Variants in IFT172 observed in about 807,000 individuals in gnomAD.
IFT172 encodes intraflagellar transport protein 172 homolog.
In IFT172, 164 loss-of-function variants were observed where a neutral mutation model predicts 248.9. The ratio of observed to expected loss-of-function variants is 0.66; its 90% CI spans 0.58 to 0.75. The LOEUF is 0.75. Among genes scored for constraint, IFT172 ranks in the 30% least tolerant of loss-of-function variants. The pLI is 0.00. For missense variants in IFT172, 1,950 were observed against 2,192.4 expected, an observed-to-expected ratio of 0.89 and a Z score of 2.21; for synonymous variants, 729 against 791.6, an observed-to-expected ratio of 0.92 and a Z score of 1.33.
At chr2:27,476,124 C>T (rs955062513) in intron 14 of IFT172, among the ~76,000 whole-genome samples, 3 of 151,950 alleles carry the variant, frequency 2.0e-5, no homozygotes, top group Non-Finnish European at 4.4e-5. Flanking sequence ...AAAATAAGAC[C>T]TCTTCCAGTT....
At chr2:27,459,887 A>C in intron 23 of IFT172, 58 bp from the exon 24 acceptor site, 1 of 1,596,258 alleles carries the variant, frequency 6.3e-7, no homozygotes, top group East Asian at 2.2e-5. Flanking sequence ...CTCAGGAAAA[A>C]GGTAGGACAG....
At chr2:27,489,473 C>G (rs999630317) in intron 1 of IFT172, 142 bp downstream of exon 1, 1 of 626,524 alleles carries the variant, frequency 1.6e-6, no homozygotes, top group African/African-American at 1.9e-5. Context: ...GACGCTGTAT[C>G]GACAGGCCAA....
At chr2:27,473,178 C>T (rs1667699930) in intron 14 of IFT172, among the ~76,000 whole-genome samples, 1 of 151,324 alleles carries the variant, frequency 6.6e-6, no homozygotes, top group African/African-American at 2.4e-5. Context: ...ACCAGCCTGG[C>T]CAACATGGTG....
intron 11 of IFT172, 129 bp downstream of exon 11, chr2:27,477,866 G>A: frequency 8.2e-7 from 1 of 1,212,472 alleles, no homozygotes; most frequent in Admixed American, 2.1e-5. Context: ...CTCCTTCCCT[G>A]AAACCAGGTC....
intron 15 of IFT172, chr2:27,471,769 C>T (rs912705471): frequency 5.3e-6 from 1 of 188,366 alleles, no homozygotes; most frequent in Non-Finnish European, 1.1e-5. Flanking sequence ...TGGCTCAACA[C>T]CTGTAATCCC....
In IFT172 at chr2:27,457,958, T is replaced by G. The variant is rs753483115; in HGVS notation, c.2994A>C (p.Gln998His). Residue 998 changes from glutamine (Q) to histidine (H), a missense_variant, in exon 28 of 48, where the codon CAA (glutamine) becomes CAC (histidine). This residue lies in a region of IFT172 where 1,166 missense variants were observed against 1,254.1 expected (regional missense o/e 0.93). Coordinates refer to ENST00000260570, the MANE Select transcript of IFT172 (RefSeq NM_015662.3). ...ACATGGTGATGGCAAGATCAGGCTCTTGTACTGTCACATATAGCCTGGGGA... is the reference window on the plus strand; with the variant it reads ...ACATGGTGATGGCAAGATCAGGCTCGTGTACTGTCACATATAGCCTGGGGA... Reference protein sequence around the residue: ...REAERLYVTVQEPDLAITMYK... With the variant: ...REAERLYVTVHEPDLAITMYK... 31 of 1,614,206 alleles carry G rather than the reference T, an allele frequency of 1.9e-5. No individual in the cohort carries two copies. Among genetic ancestry groups the G allele is most frequent in the Non-Finnish European group, 2.6e-5 (31 of 1,180,032 alleles).
chr2:27,453,613 G>C lies in IFT172; in HGVS notation c.3821+17C>G. ...CTCCCAGCCCTGCCAATGCTGCCTG[G>C]ACCTCTGGCCTCATACCTGGCCCCC... is the stretch of plus-strand genomic sequence containing the variant. On this transcript the variant is annotated intron_variant, in intron 34 of 47. Transcript: ENST00000260570. 1.9e-6 allele frequency: 3 copies of C among 1,608,080 alleles called. No homozygotes were observed. Among genetic ancestry groups the C allele is most frequent in the Non-Finnish European group, 2.6e-6 (3 of 1,175,648 alleles).
Position 27,454,677 on chromosome 2 carries a change from A to C in IFT172, c.3372-17T>G. ...TCAAAGGAGCTGAAACAGAAAGTGC[A>C]GATAAAGTTTTCTTGCTTCATGCTT... On this transcript the variant is annotated splice_polypyrimidine_tract_variant and intron_variant, in intron 30 of 47. Transcript: ENST00000260570. The surrounding 1 kb of genome is among the most constrained non-coding windows in gnomAD (Gnocchi z 4.2). The C allele has an allele frequency of 6.2e-7, 1 of 1,612,060 alleles. No homozygotes were observed. The highest frequency in any genetic ancestry group is 2.2e-5 in the East Asian group (1 of 44,884).
rs1254317654 is a variant in IFT172, at chr2:27,454,866, T to C, written c.3372-206A>G. On this transcript the variant is annotated intron_variant, in intron 30 of 47. Coordinates refer to ENST00000260570, the MANE Select transcript of IFT172 (RefSeq NM_015662.3). This position sits in a 1 kb window ranked among gnomAD's most constrained non-coding sequence, Gnocchi z 4.2. Reference sequence around the variant, plus strand: ...AAGACCATGTCACTGTCAGCGTGGATCAAGAGACGTCTGGAAAAGCCTATG... The same window carrying C: ...AAGACCATGTCACTGTCAGCGTGGACCAAGAGACGTCTGGAAAAGCCTATG... 6.6e-6 allele frequency among the ~76,000 whole-genome samples: 1 copy of C among 152,170 alleles called. No individual in the cohort carries two copies. The highest frequency in any genetic ancestry group is 1.5e-5 in the Non-Finnish European group (1 of 68,018).
At chr2:27,471,247 G>C (rs971716377) in intron 15 of IFT172, 152 bp from the exon 16 acceptor site, 1 of 661,398 alleles carries the variant, frequency 1.5e-6, no homozygotes, top group African/African-American at 1.8e-5. Flanking sequence ...TTTCTGCTGA[G>C]CTGGTATATC....
chr2:27,448,952 G>A lies in IFT172; in HGVS notation c.4391C>T (p.Ala1464Val). 1 of 1,607,186 alleles carries A rather than the reference G, an allele frequency of 6.2e-7. No individual in the cohort carries two copies. The highest frequency in any genetic ancestry group is 8.5e-7 in the Non-Finnish European group (1 of 1,173,616). Residue 1464 changes from alanine (A) to valine (V), a missense_variant, in exon 40 of 48, where the codon GCC (alanine) becomes GTC (valine). Coordinates refer to ENST00000260570, the MANE Select transcript of IFT172 (RefSeq NM_015662.3). ...AGGGGCTCCGTGCTGTACATACAGG[G>A]CCAATGCCTGGGCAGAGCTACCCTC... The part of the protein sequence containing the change: ...IREGSSAQAL[A>V]LYVQHGAPAN...
chr2:27,447,311 G>A (rs1175534265), intron 42 of IFT172, among the ~76,000 whole-genome samples: 1 of 152,246 alleles, frequency 6.6e-6, no homozygotes, highest in Admixed American at 6.5e-5. Flanking sequence ...GGCTGAGGCT[G>A]TGTGGGCACA....
intron 16 of IFT172, 78 bp from the exon 17 acceptor site, chr2:27,465,960 C>A: frequency 6.5e-7 from 1 of 1,540,220 alleles, no homozygotes; most frequent in South Asian, 1.1e-5. Flanking sequence ...GACCCACCCT[C>A]ATCCGACCCA....
At chr2:27,461,596 AT>A in intron 21 of IFT172, 79 bp from the exon 22 acceptor site, 1 of 1,548,258 alleles carries the variant, frequency 6.5e-7, no homozygotes, top group East Asian at 2.3e-5. Flanking sequence ...CAATCCCTCT[AT>A]AACAAGGGGA....
intron 23 of IFT172, among the ~76,000 whole-genome samples, chr2:27,460,747 T>C (rs990632637): frequency 8.1e-6 from 1 of 123,814 alleles, no homozygotes; most frequent in Non-Finnish European, 1.7e-5. Context: ...CATCCCCCTC[T>C]TTGAGAAACA....
rs1195456322 is a variant in IFT172, at chr2:27,461,111, A to G, written c.2443-18T>C. On this transcript the variant is annotated intron_variant, in intron 22 of 47. Transcript: ENST00000260570. ...TCACCTGCCTGTTAACACATACCAC[A>G]TTACTATGATACCCCTACAACACAA... The G allele has an allele frequency of 6.2e-7, 1 of 1,614,152 alleles. No individual in the cohort carries two copies.
Position 27,454,994 on chromosome 2 carries a change from C to A in IFT172, c.3372-334G>T, listed in dbSNP as rs1402489918. 6.6e-6 allele frequency among the ~76,000 whole-genome samples: 1 copy of A among 152,204 alleles called. No homozygotes were observed. Among genetic ancestry groups the A allele is most frequent in the Non-Finnish European group, 1.5e-5 (1 of 68,040 alleles). On this transcript the variant is annotated intron_variant, in intron 30 of 47. Coordinates refer to ENST00000260570, the MANE Select transcript of IFT172 (RefSeq NM_015662.3). This position sits in a 1 kb window ranked among gnomAD's most constrained non-coding sequence, Gnocchi z 4.2. ...TACACTGACAGGGCTAGGAGGGCTC[C>A]TGGTGCTCTCCATCTCTTCCTGAGC...
chr2:27,446,619 T>G, intron 42 of IFT172: 1 of 330,036 alleles, frequency 3.0e-6, no homozygotes, highest in Middle Eastern at 9.2e-4. Context: ...ATTCAAGTAA[T>G]TCTCGTGCCT....
In IFT172 at chr2:27,465,458, G is replaced by C. The variant is rs759780806; in HGVS notation, c.1890C>G (p.Thr630=). The stretch of plus-strand genomic sequence containing the variant: ...TTGCCTCTAGTGCCAGTTTACTCAA[G>C]GTTTTCCACATTGCCTCTGTTTCTG... ...MTPETEAMWK[T]LSKLALEARQ... The change falls in exon 18 of 48, where the codon ACC becomes ACG. Residue 630 remains threonine (T), a synonymous_variant. Coordinates refer to ENST00000260570, the MANE Select transcript of IFT172 (RefSeq NM_015662.3). 9.3e-6 allele frequency: 15 copies of C among 1,613,976 alleles called. No homozygotes were observed. The highest frequency in any genetic ancestry group is 1.3e-5 in the Non-Finnish European group (15 of 1,180,024).
Sources: gnomAD v4.1 joint callset for allele counts (sites outside exome capture counted in the v4.1 genomes callset) on GRCh38, gnomAD v4.1.1 for gene constraint, gnomAD v4.1.1 regional missense constraint, Gnocchi (gnomAD v3.1) non-coding constraint, MANE v1.5 for transcripts, NCBI Gene and HGNC (gene_info 2026-07-23, HGNC 2026-07-21) for gene names.